Variants in GPC6 observed in about 807,000 individuals in gnomAD.
GPC6 encodes glypican 6, also known as glypican-6.
Under a neutral mutation model 55.2 loss-of-function variants are expected in GPC6, and 14 were observed. That is an observed-to-expected ratio of 0.25 (90% CI 0.17 to 0.40). The LOEUF is 0.40. Among genes scored for constraint, GPC6 ranks in the 10% least tolerant of loss-of-function variants. The probability of loss-of-function intolerance (pLI) is 1.00; values close to 1 mark genes in which losing one functional copy is unlikely to be tolerated. For missense variants in GPC6, 641 were observed against 708.5 expected, an observed-to-expected ratio of 0.90 and a Z score of 1.08; for synonymous variants, 278 against 259.6, an observed-to-expected ratio of 1.07 and a Z score of -0.68.
At chr13:94,244,894 A>C (rs1891152213) in intron 4 of GPC6, among the ~76,000 whole-genome samples, 2 of 152,068 alleles carry the variant, frequency 1.3e-5, no homozygotes. Context: ...TTTATTTTTA[A>C]ATCTTATTTT....
chr13:93,753,610 T>C (rs1884672156), intron 2 of GPC6, among the ~76,000 whole-genome samples: 1 of 152,166 alleles, frequency 6.6e-6, no homozygotes. Flanking sequence ...CTTTCAGTTA[T>C]TTTAAAATGT....
At chr13:93,872,270 G>A (rs1889153590) in intron 3 of GPC6, among the ~76,000 whole-genome samples, 1 of 151,842 alleles carries the variant, frequency 6.6e-6, no homozygotes, top group Non-Finnish European at 1.5e-5. Flanking sequence ...ACACCCAAAT[G>A]GATTTTTCAT....
intron 7 of GPC6, among the ~76,000 whole-genome samples, chr13:94,384,367 G>A (rs947213213): frequency 6.6e-6 from 1 of 152,228 alleles, no homozygotes; most frequent in African/African-American, 2.4e-5. Flanking sequence ...AAGACACTGT[G>A]AAGAATGGCC....
intron 5 of GPC6, among the ~76,000 whole-genome samples, chr13:94,289,097 A>T (rs932048621): frequency 6.6e-6 from 1 of 151,028 alleles, no homozygotes; most frequent in Non-Finnish European, 1.5e-5. Flanking sequence ...CACTTGGCAC[A>T]TAGAAATTGT....
At chr13:93,781,074 G>A (rs1043220303) in intron 2 of GPC6, among the ~76,000 whole-genome samples, 2 of 151,600 alleles carry the variant, frequency 1.3e-5, no homozygotes, top group Non-Finnish European at 2.9e-5. Flanking sequence ...TCCAGAGATC[G>A]AGACCATCCT....
chr13:94,210,480 G>A (rs982951360), intron 4 of GPC6, among the ~76,000 whole-genome samples: 2 of 152,022 alleles, frequency 1.3e-5, no homozygotes, highest in Non-Finnish European at 2.9e-5. Context: ...TTAAATAACT[G>A]TTCCTCAGCA....
intron 1 of GPC6, among the ~76,000 whole-genome samples, chr13:93,338,279 G>T (rs1008793815): frequency 6.6e-6 from 1 of 152,126 alleles, no homozygotes; most frequent in African/African-American, 2.4e-5. Flanking sequence ...AGATCTTAAG[G>T]ATGAATTACA....
At chr13:93,921,579 C>G (rs1446387140) in intron 3 of GPC6, among the ~76,000 whole-genome samples, 2 of 151,832 alleles carry the variant, frequency 1.3e-5, no homozygotes, top group Non-Finnish European at 2.9e-5. Flanking sequence ...TCTGAACTTC[C>G]CCAGCCGAAT....
intron 2 of GPC6, among the ~76,000 whole-genome samples, chr13:93,611,629 C>G (rs1878464497): frequency 6.6e-6 from 1 of 152,100 alleles, no homozygotes; most frequent in South Asian, 2.1e-4. Flanking sequence ...AAAATGAAAG[C>G]CACAGTCTAA....
chr13:93,360,388 A>G (rs1212594988), intron 1 of GPC6, among the ~76,000 whole-genome samples: 1 of 152,156 alleles, frequency 6.6e-6, no homozygotes. Flanking sequence ...CCAGGGCGTG[A>G]GAGTGAATTT....
chr13:93,578,263 G>C (rs1237577897), intron 2 of GPC6, among the ~76,000 whole-genome samples: 1 of 151,996 alleles, frequency 6.6e-6, no homozygotes, highest in Non-Finnish European at 1.5e-5. Flanking sequence ...TTTTTAAAAA[G>C]AGTTTCAGTA....
chr13:93,884,433 T>A (rs1242460120), intron 3 of GPC6, among the ~76,000 whole-genome samples: 1 of 152,114 alleles, frequency 6.6e-6, no homozygotes, highest in Non-Finnish European at 1.5e-5. Flanking sequence ...TTAAGTAAGC[T>A]ATTATGGATT....
At chr13:93,825,785 GT>G (rs906510374) in intron 2 of GPC6, among the ~76,000 whole-genome samples, 1 of 151,478 alleles carries the variant, frequency 6.6e-6, no homozygotes, top group Non-Finnish European at 1.5e-5. Context: ...AGGCTGGTAA[GT>G]TTATTGAGTG....
chr13:93,333,975 T>C (rs1879952507), intron 1 of GPC6, among the ~76,000 whole-genome samples: 2 of 152,226 alleles, frequency 1.3e-5, no homozygotes, highest in African/African-American at 4.8e-5. Flanking sequence ...GTTTCTTTTC[T>C]AATACATGTT....
intron 3 of GPC6, among the ~76,000 whole-genome samples, chr13:93,867,584 C>T (rs376207568): frequency 7.2e-5 from 11 of 151,828 alleles, no homozygotes; most frequent in South Asian, 6.2e-4. Context: ...TTTGTATAAA[C>T]TCTTCTCGGA....
intron 6 of GPC6, among the ~76,000 whole-genome samples, chr13:94,334,654 C>A (rs1021245383): frequency 6.6e-6 from 1 of 152,172 alleles, no homozygotes; most frequent in Non-Finnish European, 1.5e-5. Flanking sequence ...ATTGTGTTAA[C>A]AAGCCCTCCA....
chr13:93,833,941 A>G (rs1047296066), intron 3 of GPC6, among the ~76,000 whole-genome samples: 2 of 152,226 alleles, frequency 1.3e-5, no homozygotes, highest in East Asian at 1.9e-4. Flanking sequence ...TTCTTAGTGA[A>G]TATCTATGGT....
rs576261485 is a variant in GPC6 at position 93,356,688 on chromosome 13, C to A, written c.160+129072C>A. ...CGGCCAGCAGCATTGGTATTGAAGA[C>A]AAAAGACAGCCATCAGTATAAATTC... On this transcript the variant is annotated intron_variant, in intron 1 of 8. Transcript: ENST00000377047. Among the ~76,000 whole-genome samples the A allele has an allele frequency of 1.4e-3, 216 of 152,282 alleles. 1 individual carries two copies. Among genetic ancestry groups the A allele is most frequent in the African/African-American group, 5.1e-3 (214 of 41,554 alleles).
At chr13:93,380,022 C>T (rs1030273511) in intron 1 of GPC6, among the ~76,000 whole-genome samples, 25 of 149,538 alleles carry the variant, frequency 1.7e-4, no homozygotes, top group East Asian at 2.0e-4. Flanking sequence ...AGGGGTAAGG[C>T]GATGCTGGGT....
Sources: gnomAD v4.1 joint callset for allele counts (sites outside exome capture counted in the v4.1 genomes callset) on GRCh38, gnomAD v4.1.1 for gene constraint, MANE v1.5 for transcripts, NCBI Gene and HGNC (gene_info 2026-07-23, HGNC 2026-07-21) for gene names.